Variants in ZC3H12D observed in about 807,000 individuals in gnomAD.
ZC3H12D encodes probable ribonuclease ZC3H12D.
In ZC3H12D, 11 loss-of-function variants were observed where a neutral mutation model predicts 24.2. The observed-to-expected ratio is 0.46, with a 90% CI of 0.29 to 0.75. ZC3H12D has a LOEUF of 0.75. ZC3H12D is among the 30% of genes least tolerant of loss of function. The pLI is 0.11. For missense variants in ZC3H12D, 740 were observed against 767.7 expected (o/e 0.96, Z 0.43); for synonymous variants, 333 against 341.8 (o/e 0.97, Z 0.28).
In ZC3H12D at chr6:149,450,908, C is replaced by T; in HGVS notation, c.1359G>A (p.Ala453=). ...TGGCGCCGTCGCCCCAGGCCGGCTC[C>T]GCCCAGACGGAGCGCCCAGGGAAGC... ...SDRFPGRSVW[A]EPAWGDGATG... Residue 453 remains alanine, a synonymous_variant, in exon 6 of 6, where the codon GCG becomes GCA. Coordinates refer to ENST00000409806, the MANE Select transcript of ZC3H12D (RefSeq NM_207360.3). 1 of 1,540,170 alleles carries T rather than the reference C, an allele frequency of 6.5e-7. No individual in the cohort carries two copies. The highest frequency in any genetic ancestry group is 8.7e-7 in the Non-Finnish European group (1 of 1,146,070).
chr6:149,465,768 G>GAAA (rs1232221276), intron 2 of ZC3H12D, among the ~76,000 whole-genome samples: 1 of 137,728 alleles, frequency 7.3e-6, no homozygotes, highest in Non-Finnish European at 1.5e-5. Flanking sequence ...AAAAAAAAAG[G>GAAA]GGGGGGGAAG....
chr6:149,454,595 A>G (rs1775950858), intron 4 of ZC3H12D, among the ~76,000 whole-genome samples: 1 of 152,246 alleles, frequency 6.6e-6, no homozygotes, highest in Non-Finnish European at 1.5e-5. Flanking sequence ...GAGCTGTGCC[A>G]AGAGGGCCCT....
chr6:149,472,855 G>A (rs1776266530), intron 2 of ZC3H12D, among the ~76,000 whole-genome samples: 1 of 152,088 alleles, frequency 6.6e-6, no homozygotes, highest in African/African-American at 2.4e-5. Flanking sequence ...AGGGAAAGAG[G>A]TTCCTTGCTC....
intron 1 of ZC3H12D, among the ~76,000 whole-genome samples, chr6:149,482,489 C>A (rs1356038258): frequency 6.6e-6 from 1 of 152,176 alleles, no homozygotes; most frequent in Non-Finnish European, 1.5e-5. Flanking sequence ...CCGGCAAGGC[C>A]CTGGGAGGTC....
At position 149,451,117 on chromosome 6, in the gene ZC3H12D, G is replaced by A. The variant is rs1464058235; in HGVS notation, c.1150C>T (p.Arg384Trp). Residue 384 changes from arginine to tryptophan, a missense_variant, in exon 6 of 6, where the codon CGG (arginine) becomes TGG (tryptophan). Coordinates refer to ENST00000409806, the MANE Select transcript of ZC3H12D (RefSeq NM_207360.3). ...GGGAGGCTGAGCGGGCCTGGCACCC[G>A]GCCGCCCGCGGACACCCAGTCGGGC... ...GGPDWVSAGG[R>W]VPGPLSLPSP... is the part of the protein sequence containing the mutation. The A allele has an allele frequency of 1.5e-6, 2 of 1,347,650 alleles. No individual in the cohort carries two copies. The highest frequency in any genetic ancestry group is 3.8e-5 in the South Asian group (2 of 52,920). 83.5% of individuals were successfully genotyped at this position (1,347,650 alleles called of 1,614,324 possible).
chr6:149,484,842 A>G lies in ZC3H12D; in HGVS notation c.-100T>C, dbSNP rs1420022010. 1 of 152,144 alleles carries G rather than the reference A, an allele frequency of 6.6e-6. No individual in the cohort carries two copies. Among genetic ancestry groups the G allele is most frequent in the Non-Finnish European group, 1.5e-5 (1 of 68,046 alleles). 9.4% of individuals were successfully genotyped at this position (152,144 alleles called of 1,614,324 possible). On this transcript the variant is annotated 5_prime_UTR_variant, in exon 1 of 6. Transcript: ENST00000409806. Reference sequence around the variant, plus strand: ...AGGGTGTGTCCCTCCGGTCTTCACAATGAATGCTGGCCCAGTCGCCAGCAG... The same window carrying G: ...AGGGTGTGTCCCTCCGGTCTTCACAGTGAATGCTGGCCCAGTCGCCAGCAG...
At position 149,461,628 on chromosome 6, in the gene ZC3H12D, A is replaced by G. The variant is rs1776073398; in HGVS notation, c.445+203T>C. ...ACGCCTAATTTTGAACTACTTGTTGAATACCAGGTGTTACGCTAGGTGCTA... is the reference window on the plus strand; with the variant it reads ...ACGCCTAATTTTGAACTACTTGTTGGATACCAGGTGTTACGCTAGGTGCTA... On this transcript the variant is annotated intron_variant, in intron 3 of 5. Transcript: ENST00000409806. The G allele has an allele frequency of 2.8e-5, 11 of 398,632 alleles. No individual in the cohort carries two copies. The East Asian group carries it at 4.7e-4, about 17-fold the overall frequency. 24.7% of individuals were successfully genotyped at this position (398,632 alleles called of 1,614,324 possible).
chr6:149,467,801 T>A (rs190912560), intron 2 of ZC3H12D, among the ~76,000 whole-genome samples: 1 of 152,262 alleles, frequency 6.6e-6, no homozygotes, highest in Admixed American at 6.5e-5. Context: ...CCCAACTCCA[T>A]CTATACCTCA....
chr6:149,464,957 C>T (rs928259568), intron 2 of ZC3H12D, among the ~76,000 whole-genome samples: 18 of 152,318 alleles, frequency 1.2e-4, no homozygotes, highest in Middle Eastern at 3.4e-3. Context: ...TGGCAGCCAA[C>T]CCATATGCAG....
Position 149,452,148 on chromosome 6 carries a change from A to G in ZC3H12D, c.787+468T>C, listed in dbSNP as rs558316571. 1.0e-4 allele frequency: 16 copies of G among 157,216 alleles called. No individual in the cohort carries two copies. The highest frequency in any genetic ancestry group is 3.0e-3 in the Middle Eastern group (1 of 336). 9.7% of individuals were successfully genotyped at this position (157,216 alleles called of 1,614,324 possible). A position where few individuals can be genotyped will look rare whatever the true frequency, so the allele number is the denominator to read the frequency against. On this transcript the variant is annotated intron_variant, in intron 5 of 5. Coordinates refer to ENST00000409806, the MANE Select transcript of ZC3H12D (RefSeq NM_207360.3). The surrounding 1 kb of genome is among the most constrained non-coding windows in gnomAD (Gnocchi z 4.0). ...GAACTTGGAAACATCAAATAACTTG[A>G]CGAAGCAAGTCAGTGAAAGAGCTGG... is the stretch of plus-strand genomic sequence containing the variant.
chr6:149,480,011 T>C (rs1776399987), intron 1 of ZC3H12D, among the ~76,000 whole-genome samples: 2 of 152,134 alleles, frequency 1.3e-5, no homozygotes, highest in Admixed American at 1.3e-4. Flanking sequence ...CCAATAATTC[T>C]ACTTCCCGGA....
intron 1 of ZC3H12D, among the ~76,000 whole-genome samples, chr6:149,477,075 C>T (rs990270474): frequency 6.6e-6 from 1 of 152,254 alleles, no homozygotes; most frequent in African/African-American, 2.4e-5. Flanking sequence ...CCGGCACATC[C>T]ACCTTTCTCC....
chr6:149,480,607 A>G (rs1172781573), intron 1 of ZC3H12D, among the ~76,000 whole-genome samples: 1 of 152,168 alleles, frequency 6.6e-6, no homozygotes, highest in East Asian at 1.9e-4. Context: ...GTGGTGGCGC[A>G]TGCCTTTAAT....
intron 3 of ZC3H12D, among the ~76,000 whole-genome samples, chr6:149,458,124 G>GTTTTTTTTTTTTTTTTTTTTTTT (rs1562472740): frequency 5.3e-5 from 2 of 37,604 alleles, no homozygotes; most frequent in Admixed American, 2.6e-4. Flanking sequence ...TTTTTTTTTC[G>GTTTTTTTTTTTTTTTTTTTTTTT]TTTCTTTTTT....
intron 2 of ZC3H12D, among the ~76,000 whole-genome samples, chr6:149,470,357 C>T (rs1211673887): frequency 1.3e-5 from 2 of 151,820 alleles, no homozygotes; most frequent in Non-Finnish European, 2.9e-5. Flanking sequence ...GAGACTGTCT[C>T]AAAACAAACA....
At chr6:149,469,016 GAAACCCT>G (rs1776203510) in intron 2 of ZC3H12D, among the ~76,000 whole-genome samples, 1 of 152,298 alleles carries the variant, frequency 6.6e-6, no homozygotes, top group East Asian at 1.9e-4. Flanking sequence ...ACATTTACAT[GAAACCCT>G]ACTCTGGGGC....
intron 1 of ZC3H12D, among the ~76,000 whole-genome samples, chr6:149,479,401 G>C (rs894719196): frequency 1.3e-5 from 2 of 152,108 alleles, no homozygotes; most frequent in African/African-American, 4.8e-5. Flanking sequence ...CAAAAAACCA[G>C]AATGTTCTCA....
chr6:149,462,603 C>T (rs899147626), intron 2 of ZC3H12D, among the ~76,000 whole-genome samples: 1 of 152,060 alleles, frequency 6.6e-6, no homozygotes, highest in Non-Finnish European at 1.5e-5. Context: ...GAGGGTGTTG[C>T]CAAAAGAGAT....
At chr6:149,453,298 T>TA (rs59885086) in intron 4 of ZC3H12D, among the ~76,000 whole-genome samples, 25,294 of 146,380 alleles carry the variant, frequency 0.17, 3,261 homozygotes, top group East Asian at 0.72. Context: ...AGATCCTGGC[T>TA]AAAAAAAAAA....
Sources: allele counts gnomAD v4.1 joint callset (sites outside exome capture counted in the v4.1 genomes callset), GRCh38; gene constraint gnomAD v4.1.1; non-coding constraint Gnocchi (gnomAD v3.1); transcripts MANE v1.5; gene names NCBI Gene and HGNC (gene_info 2026-07-23, HGNC 2026-07-21).